SNX6: variants seen among roughly 807,000 people sequenced by gnomAD.
SNX6 encodes sorting nexin 6.
SNX6 carries 34 observed loss-of-function variants against 63.0 expected under a neutral mutation model. That is an observed-to-expected ratio of 0.54 (90% confidence interval 0.41 to 0.72). SNX6 has a LOEUF of 0.72. Among genes scored for constraint, SNX6 ranks in the 30% least tolerant of loss-of-function variants. The pLI is 0.00. For synonymous variants in SNX6, 170 were observed against 164.2 expected, an observed-to-expected ratio of 1.04 and a Z score of -0.27; for missense variants, 398 against 471.4, an observed-to-expected ratio of 0.84 and a Z score of 1.44.
chr14:34,588,775 TC>T (rs761195626), intron 8 of SNX6, among the ~76,000 whole-genome samples: 3 of 152,116 alleles, frequency 2.0e-5, no homozygotes, highest in Non-Finnish European at 4.4e-5. Flanking sequence ...ACAATCCCAA[TC>T]AAAATCCCAG....
chr14:34,584,294 A>C (rs1028224133), intron 9 of SNX6, among the ~76,000 whole-genome samples: 1 of 152,046 alleles, frequency 6.6e-6, no homozygotes, highest in Non-Finnish European at 1.5e-5. Flanking sequence ...TCCTGCTTAA[A>C]AATATGTTTA....
chr14:34,570,770 C>G (rs1217059709), intron 11 of SNX6, among the ~76,000 whole-genome samples: 3 of 137,316 alleles, frequency 2.2e-5, no homozygotes, highest in Non-Finnish European at 4.6e-5. Context: ...GTCGCCCAGG[C>G]TGGAGTGCAG....
intron 8 of SNX6, among the ~76,000 whole-genome samples, chr14:34,591,316 T>C (rs1023887468): frequency 6.6e-6 from 1 of 152,204 alleles, no homozygotes; most frequent in Admixed American, 6.6e-5. Context: ...CTTGGCCGTT[T>C]AGAAAACATT....
chr14:34,567,663 T>G (rs1881247483), intron 13 of SNX6, 23 bp downstream of exon 13: 1 of 1,571,688 alleles, frequency 6.4e-7, no homozygotes, highest in South Asian at 1.1e-5. Context: ...ACTTAAATTA[T>G]TAAATCTTTA....
intron 2 of SNX6, among the ~76,000 whole-genome samples, chr14:34,612,582 C>T (rs1883273692): frequency 6.6e-6 from 1 of 152,016 alleles, no homozygotes; most frequent in Admixed American, 6.6e-5. Flanking sequence ...TACAGGCATG[C>T]ACAACCAGGC....
chr14:34,625,718 G>A (rs933960064), intron 2 of SNX6, among the ~76,000 whole-genome samples: 3 of 152,014 alleles, frequency 2.0e-5, no homozygotes, highest in Non-Finnish European at 4.4e-5. Flanking sequence ...GGGCAACAGA[G>A]CGAGACCCTG....
intron 2 of SNX6, among the ~76,000 whole-genome samples, chr14:34,628,511 C>T (rs1459513780): frequency 6.6e-6 from 1 of 152,012 alleles, no homozygotes; most frequent in Non-Finnish European, 1.5e-5. Flanking sequence ...TGCCAGTAGT[C>T]CCAGCTACTT....
At chr14:34,619,445 T>TAG (rs368306371) in intron 2 of SNX6, among the ~76,000 whole-genome samples, 2,692 of 148,166 alleles carry the variant, frequency 0.018, 65 homozygotes, top group African/African-American at 0.059. Context: ...TATATATATT[T>TAG]AGAGAGAGAG....
intron 8 of SNX6, among the ~76,000 whole-genome samples, chr14:34,590,257 T>A (rs1157228358): frequency 6.6e-6 from 1 of 151,770 alleles, no homozygotes; most frequent in Non-Finnish European, 1.5e-5. Flanking sequence ...TGAAACCCTG[T>A]CACTACTAAA....
chr14:34,622,650 G>A (rs1019054852), intron 2 of SNX6, among the ~76,000 whole-genome samples: 1 of 150,872 alleles, frequency 6.6e-6, no homozygotes, highest in Non-Finnish European at 1.5e-5. Context: ...CTCTGTACTA[G>A]CTGCATGTAC....
intron 6 of SNX6, among the ~76,000 whole-genome samples, chr14:34,598,290 T>C (rs1882677429): frequency 6.6e-6 from 1 of 152,222 alleles, no homozygotes; most frequent in South Asian, 2.1e-4. Context: ...AATTCCCATG[T>C]ACTTCCATTG....
chr14:34,629,826 C>T, intron 2 of SNX6, 81 bp downstream of exon 2: 1 of 1,537,630 alleles, frequency 6.5e-7, no homozygotes. Flanking sequence ...GGCTGGGGAC[C>T]CATCCCCGTA....
rs75573041 is a variant in SNX6, at chr14:34,568,840, G to C, written c.922-827C>G. 7.5e-4 allele frequency: 799 copies of C among 1,070,204 alleles called. 5 individuals are homozygous for C. In the African/African-American group the frequency reaches 0.011, roughly 15 times the overall value. 66.3% of individuals were successfully genotyped at this position (1,070,204 alleles called of 1,614,324 possible). ...GAGGACCCGGTGGGCCACATTCTTGGAGCCTCGGCTAAAGTGGCCAGGCAT... is the reference window on the plus strand; with the variant it reads ...GAGGACCCGGTGGGCCACATTCTTGCAGCCTCGGCTAAAGTGGCCAGGCAT... On this transcript the variant is annotated intron_variant, in intron 11 of 13. Transcript: ENST00000362031.
chr14:34,626,421 G>A (rs888090911), intron 2 of SNX6, among the ~76,000 whole-genome samples: 5 of 151,344 alleles, frequency 3.3e-5, no homozygotes, highest in African/African-American at 7.3e-5. Flanking sequence ...TTGGGAGGCC[G>A]AGGCAGGCAG....
rs373627957 is a variant in SNX6, at chr14:34,586,355, ATACT to A, written c.719-54_719-51del. Reference sequence around the variant, plus strand: ...AGTATACCTATTCATAGATTTAAAAATACTTACTGAGCAATTACCTCTCAAACAA... The same window carrying A: ...AGTATACCTATTCATAGATTTAAAAATACTGAGCAATTACCTCTCAAACAA... On this transcript the variant is annotated intron_variant, in intron 8 of 13. Coordinates refer to ENST00000362031, the MANE Select transcript of SNX6 (RefSeq NM_152233.4). 82 of 1,210,826 alleles carry A rather than the reference ATACT, an allele frequency of 6.8e-5. No individual in the cohort carries two copies. In the African/African-American group the frequency reaches 1.0e-3, roughly 15 times the overall value. 75.0% of individuals were successfully genotyped at this position (1,210,826 alleles called of 1,614,324 possible).
chr14:34,611,894 T>A (rs1420102285), intron 2 of SNX6, among the ~76,000 whole-genome samples: 1 of 151,944 alleles, frequency 6.6e-6, no homozygotes, highest in Non-Finnish European at 1.5e-5. Flanking sequence ...TTCTCCTGCC[T>A]CAGCCTCCCA....
At chr14:34,615,615 T>TC (rs1883389437) in intron 2 of SNX6, among the ~76,000 whole-genome samples, 1 of 152,212 alleles carries the variant, frequency 6.6e-6, no homozygotes, top group Admixed American at 6.5e-5. Flanking sequence ...CTTCTCCTTT[T>TC]CTTTTTTTTT....
chr14:34,576,450 ATATTT>A (rs1316674084), intron 10 of SNX6, among the ~76,000 whole-genome samples: 7,549 of 80,646 alleles, frequency 0.094, 346 homozygotes, highest in African/African-American at 0.26. Flanking sequence ...ATATATATAT[ATATTT>A]TTTTTTTTTT....
chr14:34,581,538 T>C, intron 10 of SNX6, 23 bp downstream of exon 10: 1 of 1,313,452 alleles, frequency 7.6e-7, no homozygotes, highest in Non-Finnish European at 1.1e-6. Flanking sequence ...TTATGCAGTA[T>C]ATCTCTATAA....
Sources: gnomAD v4.1 joint callset for allele counts (sites outside exome capture counted in the v4.1 genomes callset) on GRCh38, gnomAD v4.1.1 for gene constraint, MANE v1.5 for transcripts, NCBI Gene and HGNC (gene_info 2026-07-23, HGNC 2026-07-21) for gene names.